SEL1L2: variants seen among roughly 807,000 people sequenced by gnomAD.
SEL1L2 encodes the protein protein sel-1 homolog 2.
SEL1L2 carries 89 observed loss-of-function variants against 98.8 expected under a neutral mutation model. That is an observed-to-expected ratio of 0.90 (90% CI 0.76 to 1.07). SEL1L2 has a LOEUF of 1.07. Ranked by LOEUF, SEL1L2 falls within the 50% of genes least tolerant of loss-of-function variation. The pLI, the probability that SEL1L2 is intolerant of heterozygous loss-of-function variation, is 0.00. For missense variants in SEL1L2, 788 were observed against 812.0 expected, an observed-to-expected ratio of 0.97 and a Z score of 0.36; for synonymous variants, 262 against 278.5, an observed-to-expected ratio of 0.94 and a Z score of 0.59.
chr20:13,890,055 C>G (rs1438332071), intron 5 of SEL1L2, among the ~76,000 whole-genome samples: 1 of 152,112 alleles, frequency 6.6e-6, no homozygotes, highest in East Asian at 1.9e-4. Context: ...CAGGCAAGCT[C>G]AAAGCCAAGA....
chr20:13,870,849 T>G (rs755893538), intron 12 of SEL1L2, among the ~76,000 whole-genome samples: 19 of 138,648 alleles, frequency 1.4e-4, no homozygotes, highest in Admixed American at 7.5e-4. Flanking sequence ...CTTGAACCCA[T>G]GGAGTGGAGG....
chr20:13,931,485 T>C, intron 3 of SEL1L2, 118 bp downstream of exon 3: 1 of 545,760 alleles, frequency 1.8e-6, no homozygotes, highest in Non-Finnish European at 2.8e-6. Context: ...TTTAATGCTT[T>C]TGTGTGTATA....
intron 5 of SEL1L2, among the ~76,000 whole-genome samples, chr20:13,896,745 G>A (rs2047444593): frequency 6.6e-6 from 1 of 152,080 alleles, no homozygotes; most frequent in Admixed American, 6.6e-5. Context: ...AAACATTGCT[G>A]AAATAAATGA....
chr20:13,957,779 T>C (rs1024792837), intron 1 of SEL1L2, among the ~76,000 whole-genome samples: 1 of 151,900 alleles, frequency 6.6e-6, no homozygotes, highest in Non-Finnish European at 1.5e-5. Flanking sequence ...TTAGGAGGCT[T>C]AGGTGGGAGG....
chr20:13,959,153 G>A (rs1392599740), intron 1 of SEL1L2, among the ~76,000 whole-genome samples: 1 of 152,140 alleles, frequency 6.6e-6, no homozygotes, highest in Non-Finnish European at 1.5e-5. Context: ...TGCCTCATGA[G>A]CTGAACGAAG....
chr20:13,934,471 TATTCC>T (rs1383721669), intron 2 of SEL1L2, among the ~76,000 whole-genome samples: 3 of 62,304 alleles, frequency 4.8e-5, no homozygotes, highest in African/African-American at 1.2e-4. Flanking sequence ...CATATATATA[TATTCC>T]ATATATATAT....
chr20:13,948,839 C>G (rs997990417), intron 2 of SEL1L2, among the ~76,000 whole-genome samples: 1 of 152,188 alleles, frequency 6.6e-6, no homozygotes, highest in Non-Finnish European at 1.5e-5. Flanking sequence ...GGATCAGTCT[C>G]AAATCCGTCT....
chr20:13,869,402 C>T, intron 14 of SEL1L2, 101 bp downstream of exon 14: 1 of 904,746 alleles, frequency 1.1e-6, no homozygotes. Context: ...AATGTTCTGT[C>T]TAAACCACTC....
At chr20:13,992,478 T>C (rs879921242), upstream of SEL1L2, among the ~76,000 whole-genome samples, 3 of 152,022 alleles carry the variant, frequency 2.0e-5, no homozygotes, top group East Asian at 3.9e-4. Context: ...CATTCCAGCC[T>C]GGGCAACAAG....
rs140565190 is a variant in SEL1L2, at chr20:13,863,189, A to G, written c.1645+1978T>C. 2.2e-3 allele frequency among the ~76,000 whole-genome samples: 335 copies of G among 152,324 alleles called. 5 individuals are homozygous for G. The highest frequency in any genetic ancestry group is 7.7e-3 in the African/African-American group (321 of 41,574). On this transcript the variant is annotated intron_variant, in intron 17 of 19. Transcript: ENST00000284951. ...ACCTATTCCATCTCTAATTTTGCCC[A>G]AAGCTGCCTTCCTTTGACCCTAAGA...
At chr20:13,876,165 T>C in intron 11 of SEL1L2, 50 bp from the exon 12 acceptor site, 2 of 1,286,426 alleles carry the variant, frequency 1.6e-6, no homozygotes, top group Non-Finnish European at 2.3e-6. Context: ...AATTTGAGAG[T>C]AATGCAAATA....
At chr20:13,850,484 A>G (rs774008314) in intron 18 of SEL1L2, among the ~76,000 whole-genome samples, 165 bp from the exon 19 acceptor site, 5 of 152,190 alleles carry the variant, frequency 3.3e-5, no homozygotes, top group Non-Finnish European at 7.3e-5. Context: ...CTTTAAACAG[A>G]GTTATCTCAG....
At chr20:13,945,876 A>C (rs1244350809) in intron 2 of SEL1L2, among the ~76,000 whole-genome samples, 2 of 152,208 alleles carry the variant, frequency 1.3e-5, no homozygotes, top group Non-Finnish European at 2.9e-5. Context: ...GAATTTGACA[A>C]AATTTGACAT....
At chr20:13,921,822 A>G (rs1300855389) in intron 3 of SEL1L2, among the ~76,000 whole-genome samples, 1 of 152,188 alleles carries the variant, frequency 6.6e-6, no homozygotes, top group African/African-American at 2.4e-5. Flanking sequence ...GTATGAGCAC[A>G]GACTCAAATC....
At position 13,866,630 on chromosome 20, in the gene SEL1L2, T is replaced by C. The variant is rs1032259352; in HGVS notation, c.1404+72A>G. The C allele has an allele frequency of 1.9e-5, 24 of 1,232,642 alleles. No individual in the cohort carries two copies. In the South Asian group the frequency reaches 3.7e-4, roughly 19 times the overall value. The allele number at this position is 1,232,642 out of a possible 1,614,324, so 76.4% of individuals were successfully genotyped here. ...TTTATAAAATCAAAGACACCAACAA[T>C]TTAAGAACAGTATCACCTCCTCTGT... On this transcript the variant is annotated intron_variant, in intron 15 of 19. Coordinates refer to ENST00000284951, the MANE Select transcript of SEL1L2 (RefSeq NM_025229.2).
At chr20:13,994,696 C>T (rs1244472937), upstream of SEL1L2, among the ~76,000 whole-genome samples, 1 of 152,136 alleles carries the variant, frequency 6.6e-6, no homozygotes, top group Non-Finnish European at 1.5e-5. Flanking sequence ...ATCAAGCCAG[C>T]TTTTTGGACC....
At chr20:13,887,477 G>A (rs1267209105) in intron 8 of SEL1L2, among the ~76,000 whole-genome samples, 1 of 152,054 alleles carries the variant, frequency 6.6e-6, no homozygotes, top group Non-Finnish European at 1.5e-5. Context: ...ATTTATCGGT[G>A]CTACATTCAA....
chr20:13,866,670 G>A (rs374946698), intron 15 of SEL1L2, 32 bp downstream of exon 15: 1 of 1,488,746 alleles, frequency 6.7e-7, no homozygotes, highest in Admixed American at 2.4e-5. Flanking sequence ...TATATGACAA[G>A]TGCTTTAAAA....
At chr20:13,891,598 T>A (rs1353552510) in intron 5 of SEL1L2, among the ~76,000 whole-genome samples, 1 of 129,438 alleles carries the variant, frequency 7.7e-6, no homozygotes, top group Non-Finnish European at 1.6e-5. Context: ...ACCCAGGAGG[T>A]GGAGGTTGCA....
Sources: gnomAD v4.1 joint callset for allele counts (sites outside exome capture counted in the v4.1 genomes callset) on GRCh38, gnomAD v4.1.1 for gene constraint, MANE v1.5 for transcripts, NCBI Gene and HGNC (gene_info 2026-07-23, HGNC 2026-07-21) for gene names.